FMN1: variants seen among roughly 807,000 people sequenced by gnomAD.
The protein encoded by FMN1 is formin-1.
Under a neutral mutation model 132.4 loss-of-function variants are expected in FMN1, and 110 were observed. The observed-to-expected ratio is 0.83, with a 90% confidence interval of 0.71 to 0.97. FMN1 has a LOEUF of 0.97. FMN1 is among the 50% of genes least tolerant of loss of function. The pLI is 0.00. For synonymous variants in FMN1, 722 were observed against 651.7 expected (o/e 1.11, Z -1.64); for missense variants, 1,792 against 1,705.3 (o/e 1.05, Z -0.90).
chr15:32,873,264 G>A lies in FMN1; in HGVS notation c.3835+14908C>T, dbSNP rs2059558631. 2.0e-5 allele frequency among the ~76,000 whole-genome samples: 3 copies of A among 152,212 alleles called. No homozygotes were observed. The South Asian group carries it at 6.2e-4, about 32-fold the overall frequency. On this transcript the variant is annotated intron_variant, in intron 16 of 20. Transcript: ENST00000616417. ...GGTTTCATATAAAGAAGGCTGCATTGTCAATTTTGGGGGAGTAGGGATTTC... is the reference window on the plus strand; with the variant it reads ...GGTTTCATATAAAGAAGGCTGCATTATCAATTTTGGGGGAGTAGGGATTTC...
intron 5 of FMN1, among the ~76,000 whole-genome samples, chr15:33,072,031 ACTCT>A (rs778232372): frequency 3.3e-5 from 5 of 151,832 alleles, no homozygotes; most frequent in Non-Finnish European, 5.9e-5. Context: ...CTCAAGACAA[ACTCT>A]CTAACTGCCA....
intron 3 of FMN1, among the ~76,000 whole-genome samples, chr15:33,174,765 A>C (rs1000238316): frequency 3.6e-5 from 5 of 140,792 alleles, no homozygotes; most frequent in African/African-American, 1.3e-4. Context: ...CATACTGTGA[A>C]TATTACCAAC....
At chr15:32,873,675 A>G (rs1193511060) in intron 16 of FMN1, among the ~76,000 whole-genome samples, 2 of 152,198 alleles carry the variant, frequency 1.3e-5, no homozygotes, top group East Asian at 3.8e-4. Context: ...GCTGATGTTG[A>G]GAAGAACAAG....
chr15:32,786,437 T>C (rs775874431), intron 19 of FMN1, among the ~76,000 whole-genome samples: 4 of 152,132 alleles, frequency 2.6e-5, no homozygotes, highest in Non-Finnish European at 4.4e-5. Context: ...ACAGCTTCTA[T>C]GAGCAAATAA....
In FMN1 at chr15:32,836,062, T is replaced by C. The variant is rs142520703; in HGVS notation, c.3928+20953A>G. On this transcript the variant is annotated intron_variant, in intron 17 of 20. Transcript: ENST00000616417. ...TTTTTTGTAGGATGTGGCCTCCCTA[T>C]GTTGCCCAGGCTCGTCTTGAACTCC... Among the ~76,000 whole-genome samples, 92 of 152,112 alleles carry C rather than the reference T, an allele frequency of 6.0e-4. 2 individuals carry two copies. The East Asian group carries it at 0.016, about 26-fold the overall frequency.
chr15:32,896,803 T>C (rs1345675244), intron 15 of FMN1, among the ~76,000 whole-genome samples: 2 of 152,224 alleles, frequency 1.3e-5, no homozygotes, highest in African/African-American at 4.8e-5. Context: ...TCTTTACCTA[T>C]TCATCTATTG....
chr15:32,896,214 T>TA (rs569284137), intron 15 of FMN1, among the ~76,000 whole-genome samples: 46 of 152,072 alleles, frequency 3.0e-4, no homozygotes, highest in Admixed American at 8.5e-4. Flanking sequence ...GATGTTAGTC[T>TA]ATCATTCTAC....
intron 5 of FMN1, among the ~76,000 whole-genome samples, chr15:33,075,423 C>A (rs1415043624): frequency 6.6e-6 from 1 of 152,174 alleles, no homozygotes; most frequent in Non-Finnish European, 1.5e-5. Flanking sequence ...CTACATACAA[C>A]ACACCTCCGC....
In FMN1 at chr15:33,131,301, C is replaced by T. The variant is rs996051764; in HGVS notation, c.1867+21747G>A. Among the ~76,000 whole-genome samples, 24 of 140,476 alleles carry T rather than the reference C, an allele frequency of 1.7e-4. 1 individual carries two copies. Among genetic ancestry groups the T allele is most frequent in the Middle Eastern group, 8.1e-3 (2 of 246 alleles). The allele number at this position is 140,476 out of a possible 152,430, so 92.2% of individuals were successfully genotyped here. A position where few individuals can be genotyped will look rare whatever the true frequency, so the allele number is the denominator to read the frequency against. ...CTGAGATCGCTCCACTGCACTCCAG[C>T]CTGGGTGACAGAGTGAGACTCCATC... On this transcript the variant is annotated intron_variant, in intron 4 of 20. Transcript: ENST00000616417.
intron 7 of FMN1, among the ~76,000 whole-genome samples, chr15:32,997,301 C>CA (rs1481204580): frequency 6.6e-6 from 1 of 150,886 alleles, no homozygotes; most frequent in Non-Finnish European, 1.5e-5. Flanking sequence ...TCTTTCCTAA[C>CA]ACTACAGAAA....
At chr15:32,960,995 CAAAAAAAAA>C (rs539245532) in intron 9 of FMN1, among the ~76,000 whole-genome samples, 1 of 59,092 alleles carries the variant, frequency 1.7e-5, no homozygotes, top group East Asian at 6.6e-4. Flanking sequence ...GACTCCGTCT[CAAAAAAAAA>C]AAAAAAAAAA....
rs894013581 is a variant in FMN1 at position 32,771,071 on chromosome 15, A to G, written c.*3239T>C. The G allele has an allele frequency of 6.8e-6, 1 of 147,660 alleles. No individual in the cohort carries two copies. Among genetic ancestry groups the G allele is most frequent in the African/African-American group, 2.5e-5 (1 of 39,770 alleles). The allele number at this position is 147,660 out of a possible 1,614,324, so 9.1% of individuals were successfully genotyped here. A position where few individuals can be genotyped will look rare whatever the true frequency, so the allele number is the denominator to read the frequency against. The stretch of plus-strand genomic sequence containing the variant: ...CACACCTCCTAACCTGGTTTTTGAT[A>G]CTTCATGGGCCTGATGCTTTTTTTT... On this transcript the variant is annotated 3_prime_UTR_variant, in exon 21 of 21. Coordinates refer to ENST00000616417, the MANE Select transcript of FMN1 (RefSeq NM_001277313.2).
intron 6 of FMN1, among the ~76,000 whole-genome samples, chr15:33,038,619 G>A (rs534627739): frequency 6.6e-6 from 1 of 152,270 alleles, no homozygotes. Flanking sequence ...CAACACGTAA[G>A]ATTTAATAAT....
intron 9 of FMN1, among the ~76,000 whole-genome samples, chr15:32,962,422 A>G (rs947209021): frequency 6.6e-5 from 10 of 152,134 alleles, no homozygotes; most frequent in African/African-American, 2.4e-4. Context: ...CATTCAGGAC[A>G]TAGGCATGGG....
At chr15:32,887,651 C>G (rs1184321468) in intron 16 of FMN1, among the ~76,000 whole-genome samples, 1 of 152,084 alleles carries the variant, frequency 6.6e-6, no homozygotes, top group Non-Finnish European at 1.5e-5. Context: ...ATATTTAAAG[C>G]AGCAGAGTAA....
At chr15:33,175,876 A>G (rs961294867) in intron 3 of FMN1, among the ~76,000 whole-genome samples, 5 of 152,204 alleles carry the variant, frequency 3.3e-5, no homozygotes, top group Admixed American at 6.5e-5. Context: ...AACTGAGGCT[A>G]CAATGCCTCA....
chr15:32,984,078 T>C (rs1005678685), intron 7 of FMN1, among the ~76,000 whole-genome samples: 1 of 152,198 alleles, frequency 6.6e-6, no homozygotes, highest in Non-Finnish European at 1.5e-5. Context: ...ATACTTATGA[T>C]GAGTGTGATT....
intron 17 of FMN1, among the ~76,000 whole-genome samples, chr15:32,831,744 C>CTT (rs200268378): frequency 1.4e-5 from 2 of 141,256 alleles, no homozygotes; most frequent in East Asian, 2.0e-4. Flanking sequence ...AGAATGCAGC[C>CTT]TTTTTTTTTT....
intron 4 of FMN1, among the ~76,000 whole-genome samples, chr15:33,120,077 A>G (rs1009593524): frequency 1.3e-5 from 2 of 151,896 alleles, no homozygotes; most frequent in African/African-American, 2.4e-5. Flanking sequence ...ATTTGAGGTT[A>G]CAATGTTAGT....
Sources: gnomAD v4.1 joint callset for allele counts (sites outside exome capture counted in the v4.1 genomes callset) on GRCh38, gnomAD v4.1.1 for gene constraint, MANE v1.5 for transcripts, NCBI Gene and HGNC (gene_info 2026-07-23, HGNC 2026-07-21) for gene names.